PRKG1: variants seen among roughly 807,000 people sequenced by gnomAD.
PRKG1 encodes protein kinase cGMP-dependent 1, also known as cGMP-dependent protein kinase 1.
Under a neutral mutation model 88.1 loss-of-function variants are expected in PRKG1, and 35 were observed. The ratio of observed to expected loss-of-function variants is 0.40; its 90% confidence interval spans 0.30 to 0.53. The LOEUF (loss-of-function observed/expected upper bound fraction) is 0.53. PRKG1 is among the 20% of genes least tolerant of loss of function. The probability of loss-of-function intolerance (pLI) is 0.59; values close to 1 mark genes in which losing one functional copy is unlikely to be tolerated. For missense variants in PRKG1, 540 were observed against 839.8 expected (o/e 0.64, Z 4.41); for synonymous variants, 303 against 292.5 (o/e 1.04, Z -0.37).
At chr10:51,877,786 T>C (rs1395282610) in intron 4 of PRKG1, among the ~76,000 whole-genome samples, 1 of 152,234 alleles carries the variant, frequency 6.6e-6, no homozygotes. Flanking sequence ...CTCAACTAAC[T>C]TTCCCATAAA....
chr10:51,847,257 C>A (rs1840422901), intron 4 of PRKG1, among the ~76,000 whole-genome samples: 1 of 152,128 alleles, frequency 6.6e-6, no homozygotes, highest in African/African-American at 2.4e-5. Flanking sequence ...CCATTATGAA[C>A]TAAACAATGC....
chr10:52,003,532 C>T (rs1212494917), intron 5 of PRKG1, among the ~76,000 whole-genome samples: 1 of 152,080 alleles, frequency 6.6e-6, no homozygotes, highest in Non-Finnish European at 1.5e-5. Flanking sequence ...CTTTTCTTGC[C>T]CCTCCCAACA....
At chr10:52,171,868 T>C (rs567921578) in intron 9 of PRKG1, among the ~76,000 whole-genome samples, 1 of 133,442 alleles carries the variant, frequency 7.5e-6, no homozygotes, top group Non-Finnish European at 1.5e-5. Flanking sequence ...AGTGGCGCAA[T>C]CTCGGCTCAC....
At chr10:51,385,377 G>A (rs1837223683) in intron 2 of PRKG1, among the ~76,000 whole-genome samples, 1 of 152,132 alleles carries the variant, frequency 6.6e-6, no homozygotes, top group South Asian at 2.1e-4. Flanking sequence ...GGTTGATAAT[G>A]CATACGTTAA....
chr10:51,910,778 G>C (rs1842198762), intron 5 of PRKG1: 2 of 152,204 alleles, frequency 1.3e-5, no homozygotes, highest in African/African-American at 4.8e-5. Flanking sequence ...CATATGGAGA[G>C]TGATTGTAAT....
chr10:52,038,391 A>T (rs1845670845), intron 5 of PRKG1, among the ~76,000 whole-genome samples: 1 of 151,484 alleles, frequency 6.6e-6, no homozygotes, highest in South Asian at 2.1e-4. Context: ...AAGCACAGAA[A>T]TAAGGGGTAG....
intron 1 of PRKG1, among the ~76,000 whole-genome samples, chr10:51,005,750 A>C (rs1842934582): frequency 1.3e-5 from 2 of 152,234 alleles, no homozygotes. Context: ...GCTCAGGGAA[A>C]GACACTGGAA....
At chr10:51,318,765 C>G (rs1019241442) in intron 2 of PRKG1, among the ~76,000 whole-genome samples, 1 of 152,068 alleles carries the variant, frequency 6.6e-6, no homozygotes, top group Non-Finnish European at 1.5e-5. Flanking sequence ...AGCTGAAATT[C>G]TTGAGTATTT....
intron 3 of PRKG1, among the ~76,000 whole-genome samples, chr10:51,636,037 T>C (rs1038136445): frequency 5.3e-5 from 8 of 152,192 alleles, no homozygotes; most frequent in Admixed American, 3.9e-4. Context: ...TTAACATTTA[T>C]GATGAAATTT....
intron 9 of PRKG1, among the ~76,000 whole-genome samples, chr10:52,245,275 A>G (rs1444204263): frequency 6.6e-6 from 1 of 152,146 alleles, no homozygotes; most frequent in Non-Finnish European, 1.5e-5. Flanking sequence ...GTTACATAAA[A>G]AATGAAAGAG....
At chr10:51,016,631 A>G (rs1182074878) in intron 1 of PRKG1, among the ~76,000 whole-genome samples, 1 of 146,232 alleles carries the variant, frequency 6.8e-6, no homozygotes, top group East Asian at 2.0e-4. Flanking sequence ...TCATTTCATT[A>G]ATTCTAACCA....
chr10:51,409,096 C>T (rs1838003801), intron 2 of PRKG1, among the ~76,000 whole-genome samples: 1 of 152,222 alleles, frequency 6.6e-6, no homozygotes, highest in African/African-American at 2.4e-5. Flanking sequence ...GCACTGCTCA[C>T]AGTTCTGCCC....
intron 1 of PRKG1, among the ~76,000 whole-genome samples, chr10:51,089,736 C>T (rs148450611): frequency 1.7e-3 from 252 of 152,272 alleles, no homozygotes; most frequent in African/African-American, 5.8e-3. Flanking sequence ...TTCATTTATG[C>T]CTCACAATAC....
At chr10:51,316,822 A>C (rs1841334377) in intron 2 of PRKG1, among the ~76,000 whole-genome samples, 1 of 152,242 alleles carries the variant, frequency 6.6e-6, no homozygotes, top group Non-Finnish European at 1.5e-5. Context: ...GGCCTATTAC[A>C]GAAAACTTCA....
intron 9 of PRKG1, among the ~76,000 whole-genome samples, chr10:52,217,757 T>C (rs1442315458): frequency 6.6e-6 from 1 of 152,126 alleles, no homozygotes; most frequent in African/African-American, 2.4e-5. Context: ...CTCAGCCCTG[T>C]TGGTAGTATA....
chr10:51,504,303 G>A (rs1006411983), intron 3 of PRKG1, among the ~76,000 whole-genome samples: 2 of 152,100 alleles, frequency 1.3e-5, no homozygotes, highest in African/African-American at 4.8e-5. Flanking sequence ...TTATTTCTGA[G>A]GGCTCTGTTC....
intron 1 of PRKG1, among the ~76,000 whole-genome samples, chr10:51,049,033 A>G (rs1342325174): frequency 6.6e-6 from 1 of 152,052 alleles, no homozygotes. Flanking sequence ...CTCATGAACC[A>G]AGCTGACAGA....
At chr10:52,102,474 A>G (rs1847316134) in intron 7 of PRKG1, among the ~76,000 whole-genome samples, 1 of 152,010 alleles carries the variant, frequency 6.6e-6, no homozygotes, top group South Asian at 2.1e-4. Flanking sequence ...TGTGAAAGCC[A>G]TCAAGCCCAA....
intron 7 of PRKG1, among the ~76,000 whole-genome samples, chr10:52,117,144 T>C (rs1388298280): frequency 6.7e-6 from 1 of 148,780 alleles, no homozygotes; most frequent in East Asian, 2.0e-4. Context: ...TATGCATGCA[T>C]GGATATCTAT....
Sources: allele counts gnomAD v4.1 joint callset (sites outside exome capture counted in the v4.1 genomes callset), GRCh38; gene constraint gnomAD v4.1.1; transcripts MANE v1.5; gene names NCBI Gene and HGNC (gene_info 2026-07-23, HGNC 2026-07-21).